The following KLHL4 variants were observed in gnomAD, a reference collection of about 807,000 sequenced individuals.
KLHL4 encodes kelch like family member 4, also known as kelch-like protein 4.
A neutral mutation model predicts 45.8 loss-of-function variants in KLHL4; 17 were observed. That is an observed-to-expected ratio of 0.37 (90% CI 0.25 to 0.56). KLHL4 has a LOEUF of 0.56. Among genes scored for constraint, KLHL4 ranks in the 20% least tolerant of loss-of-function variants. The probability of loss-of-function intolerance (pLI) is 0.79; values close to 1 mark genes in which losing one functional copy is unlikely to be tolerated. For synonymous variants in KLHL4, 224 were observed against 189.9 expected, an observed-to-expected ratio of 1.18 and a Z score of -1.47; for missense variants, 544 against 544.9, an observed-to-expected ratio of 1.00 and a Z score of 0.02.
intron 1 of KLHL4, among the ~76,000 whole-genome samples, chrX:87,603,830 T>C (rs760813903): frequency 9.1e-6 from 1 of 110,404 alleles, no homozygotes; most frequent in East Asian, 2.9e-4. Flanking sequence ...TCAGAATTCA[T>C]TCCTCCAATC....
intron 6 of KLHL4, among the ~76,000 whole-genome samples, chrX:87,631,820 TTGAA>T (rs1923106740): frequency 8.9e-6 from 1 of 112,475 alleles, no homozygotes; most frequent in Admixed American, 9.4e-5. Flanking sequence ...AATTAGTATG[TTGAA>T]TGGTCATAAG....
At chrX:87,579,385 A>C (rs1471473770) in intron 1 of KLHL4, among the ~76,000 whole-genome samples, 1 of 111,734 alleles carries the variant, frequency 8.9e-6, no homozygotes, top group Non-Finnish European at 1.9e-5. Flanking sequence ...AAATACATAC[A>C]TTATGGAAAT....
intron 1 of KLHL4, among the ~76,000 whole-genome samples, chrX:87,609,537 T>C (rs980428643): frequency 8.0e-5 from 9 of 112,567 alleles, no homozygotes; most frequent in Non-Finnish European, 1.3e-4. Context: ...TTCATGTGTC[T>C]GTTGGCTGCA....
chrX:87,647,706 A>C, intron 9 of KLHL4, among the ~76,000 whole-genome samples: 1 of 111,399 alleles, frequency 9.0e-6, no homozygotes, highest in South Asian at 3.8e-4. Context: ...AGAATGATAC[A>C]ATGAACTTTG....
intron 1 of KLHL4, among the ~76,000 whole-genome samples, chrX:87,548,934 T>C (rs936192235): frequency 9.3e-6 from 1 of 107,967 alleles, no homozygotes; most frequent in African/African-American, 3.4e-5. Context: ...AATAATAACA[T>C]TGAATGTAAA....
Position 87,667,224 on chromosome X carries a change from C to G in KLHL4, c.*690C>G. 1 of 707,423 alleles carries G rather than the reference C, an allele frequency of 1.4e-6. No individual in the cohort carries two copies. Among genetic ancestry groups the G allele is most frequent in the Non-Finnish European group, 1.7e-6 (1 of 596,957 alleles). 58.3% of individuals were successfully genotyped at this position (707,423 alleles called of 1,213,427 possible). The stretch of plus-strand genomic sequence containing the variant: ...ACATATTATCTTGTTAGATTTGTTA[C>G]CAGTAAAATATTACTGTAATTTCAT... On this transcript the variant is annotated 3_prime_UTR_variant, in exon 11 of 11. Coordinates refer to ENST00000373119, the MANE Select transcript of KLHL4 (RefSeq NM_019117.5).
At chrX:87,532,240 T>C (rs1183554616) in intron 1 of KLHL4, among the ~76,000 whole-genome samples, 2 of 109,970 alleles carry the variant, frequency 1.8e-5, no homozygotes, top group African/African-American at 6.6e-5. Context: ...GATCAGATAG[T>C]TGTAGATATG....
chrX:87,631,152 G>A (rs768305129), intron 6 of KLHL4, among the ~76,000 whole-genome samples: 2 of 111,189 alleles, frequency 1.8e-5, no homozygotes, highest in Admixed American at 9.5e-5. Context: ...TTATGCAGGT[G>A]GGTTTTCTGC....
chrX:87,582,615 C>T (rs2147795684), intron 1 of KLHL4, among the ~76,000 whole-genome samples: 1 of 112,134 alleles, frequency 8.9e-6, no homozygotes, highest in East Asian at 2.8e-4. Flanking sequence ...CAGTCTAGAG[C>T]ATGATGACTA....
chrX:87,639,927 C>T (rs1226197647), intron 9 of KLHL4, among the ~76,000 whole-genome samples: 1 of 107,880 alleles, frequency 9.3e-6, no homozygotes, highest in Non-Finnish European at 1.9e-5. Context: ...AAAAATAAAC[C>T]AAATGAATAG....
rs950664040 is a variant in KLHL4 at position 87,669,285 on chromosome X, G to A, written c.*2751G>A. 4.2e-6 allele frequency: 5 copies of A among 1,202,067 alleles called. No homozygotes were observed. The African/African-American group carries it at 5.3e-5, about 13-fold the overall frequency. The stretch of plus-strand genomic sequence containing the variant: ...CTCTGCAACTCTCAGCATGCATCAT[G>A]ATGATTCTCTAACACTGTCTGTCAC... On this transcript the variant is annotated 3_prime_UTR_variant, in exon 11 of 11. Coordinates refer to ENST00000373119, the MANE Select transcript of KLHL4 (RefSeq NM_019117.5).
At chrX:87,523,249 T>C (rs1473926939) in intron 1 of KLHL4, among the ~76,000 whole-genome samples, 5 of 111,788 alleles carry the variant, frequency 4.5e-5, no homozygotes, top group Non-Finnish European at 9.4e-5. Context: ...CTAATCTTGT[T>C]GATGCCTTAA....
chrX:87,599,070 T>G (rs898155974), intron 1 of KLHL4, among the ~76,000 whole-genome samples: 1 of 110,187 alleles, frequency 9.1e-6, no homozygotes, highest in Admixed American at 9.7e-5. Context: ...TCAAAATTAA[T>G]ATATTTTATT....
chrX:87,639,047 T>C (rs896501643), intron 9 of KLHL4, among the ~76,000 whole-genome samples: 1 of 111,678 alleles, frequency 9.0e-6, no homozygotes. Context: ...GGAATAGCTA[T>C]TCTTATATCA....
Position 87,625,790 on chromosome X carries a change from A to G in KLHL4, c.1318A>G (p.Met440Val). The change falls in exon 6 of 11, where the codon ATG becomes GTG. Residue 440 changes from methionine (M) to valine (V), a missense_variant. Met to Val is a conservative substitution (Grantham distance 21). Coordinates refer to ENST00000373119, the MANE Select transcript of KLHL4 (RefSeq NM_019117.5). Reference sequence around the variant, plus strand: ...TTATGCTGTAGGAGGCATGGATGCTATGAAAGGTAAAAATAACTTAGAGTG... The same window carrying G: ...TTATGCTGTAGGAGGCATGGATGCTGTGAAAGGTAAAAATAACTTAGAGTG... ...ALYAVGGMDA[M>V]KGTTTIEKYD... 1 of 1,191,419 alleles carries G rather than the reference A, an allele frequency of 8.4e-7. No homozygotes were observed. Among genetic ancestry groups the G allele is most frequent in the Non-Finnish European group, 1.1e-6 (1 of 883,965 alleles).
Position 87,518,261 on chromosome X carries a change from G to A in KLHL4, c.368G>A (p.Arg123His). Residue 123 changes from arginine (R) to histidine (H), a missense_variant, in exon 1 of 11, where the codon CGC becomes CAC. Arg to His is a conservative substitution (Grantham distance 29). Coordinates refer to ENST00000373119, the MANE Select transcript of KLHL4 (RefSeq NM_019117.5). ...TTATTCAAAGAAGCTTGTGAGAAACGCGCACAAGATTTGGAGATGATGGCT... is the reference window on the plus strand; with the variant it reads ...TTATTCAAAGAAGCTTGTGAGAAACACGCACAAGATTTGGAGATGATGGCT... The part of the protein sequence containing the change: ...KNLFKEACEK[R>H]AQDLEMMADD... 2.5e-6 allele frequency: 3 copies of A among 1,211,219 alleles called. No individual in the cohort carries two copies. Among genetic ancestry groups the A allele is most frequent in the Non-Finnish European group, 3.4e-6 (3 of 894,987 alleles).
intron 6 of KLHL4, among the ~76,000 whole-genome samples, chrX:87,627,582 C>T (rs1272680883): frequency 4.5e-5 from 5 of 111,223 alleles, no homozygotes; most frequent in Non-Finnish European, 9.4e-5. Flanking sequence ...TATTTTGTAA[C>T]AATAATGTTA....
chrX:87,612,640 G>T (rs903125730), intron 1 of KLHL4, among the ~76,000 whole-genome samples: 1 of 111,551 alleles, frequency 9.0e-6, no homozygotes, highest in Admixed American at 9.6e-5. Flanking sequence ...CATATTTTAC[G>T]CTATAATCAC....
At chrX:87,640,385 C>T (rs1602458775) in intron 9 of KLHL4, among the ~76,000 whole-genome samples, 1 of 110,989 alleles carries the variant, frequency 9.0e-6, no homozygotes, top group East Asian at 2.8e-4. Flanking sequence ...AAGGACATAA[C>T]AAAAAAGAAA....
Sources: allele counts gnomAD v4.1 joint callset (sites outside exome capture counted in the v4.1 genomes callset), GRCh38; gene constraint gnomAD v4.1.1; transcripts MANE v1.5; gene names NCBI Gene and HGNC (gene_info 2026-07-23, HGNC 2026-07-21).